The following DTNB variants were observed in gnomAD, a reference collection of about 807,000 sequenced individuals.
DTNB encodes DTN-B.
Under a neutral mutation model 90.7 loss-of-function variants are expected in DTNB, and 63 were observed. The observed-to-expected ratio is 0.69, with a 90% CI of 0.57 to 0.86. DTNB has a LOEUF of 0.86. DTNB is among the 40% of genes least tolerant of loss of function. The pLI, the probability that DTNB is intolerant of heterozygous loss-of-function variation, is 0.00. For missense variants in DTNB, 744 were observed against 807.1 expected, an observed-to-expected ratio of 0.92 and a Z score of 0.95; for synonymous variants, 277 against 286.7, an observed-to-expected ratio of 0.97 and a Z score of 0.34.
intron 9 of DTNB, among the ~76,000 whole-genome samples, chr2:25,488,811 C>T (rs1411414564): frequency 1.3e-5 from 2 of 152,090 alleles, no homozygotes; most frequent in African/African-American, 2.4e-5. Flanking sequence ...CCATCATGCC[C>T]GGCTAATTTT....
At chr2:25,416,621 G>A (rs1484262955) in intron 16 of DTNB, among the ~76,000 whole-genome samples, 13 of 152,096 alleles carry the variant, frequency 8.5e-5, no homozygotes, top group Admixed American at 4.6e-4. Flanking sequence ...AGCCAAGGTC[G>A]CACCACTGTA....
Position 25,576,842 on chromosome 2 carries a change from G to A in DTNB, c.872C>T (p.Ser291Phe), listed in dbSNP as rs1349810216. The stretch of plus-strand genomic sequence containing the variant: ...GATGAAACACAAAGCAGTTACCCAA[G>A]AGGAATGCTCCTTCATCTGGTGCTG... ...SNQHQMKEHS[S>F]WKSPAKKLSH... The change falls in exon 8 of 21, where the codon TCT becomes TTT. Residue 291 changes from serine to phenylalanine, a missense_variant. Ser to Phe is a radical substitution (Grantham distance 155, BLOSUM62 -2). Coordinates refer to ENST00000406818, the MANE Select transcript of DTNB (RefSeq NM_021907.5). 6.2e-7 allele frequency: 1 copy of A among 1,611,620 alleles called. No homozygotes were observed. Among genetic ancestry groups the A allele is most frequent in the Non-Finnish European group, 8.5e-7 (1 of 1,178,788 alleles).
At chr2:25,390,651 T>C (rs555937257) in intron 16 of DTNB, among the ~76,000 whole-genome samples, 1 of 152,196 alleles carries the variant, frequency 6.6e-6, no homozygotes, top group South Asian at 2.1e-4. Flanking sequence ...TTCGCCATCT[T>C]GGCCAGGCTG....
chr2:25,458,746 G>A (rs997829832), intron 10 of DTNB, among the ~76,000 whole-genome samples: 2 of 152,166 alleles, frequency 1.3e-5, no homozygotes, highest in South Asian at 4.1e-4. Flanking sequence ...CCGGGTTCAC[G>A]CCATTCTCCT....
At chr2:25,443,946 T>A (rs139208432) in intron 12 of DTNB, among the ~76,000 whole-genome samples, 3 of 152,224 alleles carry the variant, frequency 2.0e-5, no homozygotes, top group East Asian at 3.8e-4. Flanking sequence ...GAATGCTGCA[T>A]GCCTGGAGCA....
intron 8 of DTNB, among the ~76,000 whole-genome samples, chr2:25,557,480 A>G (rs961226788): frequency 2.0e-4 from 30 of 152,224 alleles, no homozygotes; most frequent in Non-Finnish European, 4.3e-4. Flanking sequence ...CATGGTACAG[A>G]CACACTAAAA....
intron 5 of DTNB, among the ~76,000 whole-genome samples, chr2:25,605,374 G>T: frequency 6.6e-6 from 1 of 152,128 alleles, no homozygotes; most frequent in East Asian, 1.9e-4. Context: ...GTGGGCTTTT[G>T]CACCACTTCA....
At chr2:25,668,132 G>A (rs990294265) in intron 1 of DTNB, among the ~76,000 whole-genome samples, 2 of 152,034 alleles carry the variant, frequency 1.3e-5, no homozygotes, top group Admixed American at 6.5e-5. Flanking sequence ...CCAGCTACTC[G>A]GGAGGCTGAG....
intron 1 of DTNB, among the ~76,000 whole-genome samples, chr2:25,655,402 C>T (rs116104447): frequency 0.013 from 1,966 of 152,270 alleles, 27 homozygotes; most frequent in Non-Finnish European, 0.017. Context: ...TAGGGAGGTA[C>T]TGGCCTTCCT....
intron 8 of DTNB, among the ~76,000 whole-genome samples, chr2:25,572,524 G>A (rs2060030865): frequency 1.3e-5 from 2 of 151,596 alleles, no homozygotes; most frequent in South Asian, 2.1e-4. Context: ...ATACAACGGT[G>A]GAGCCGGAGC....
chr2:25,433,396 C>T (rs933013205), intron 13 of DTNB, among the ~76,000 whole-genome samples: 5 of 152,146 alleles, frequency 3.3e-5, no homozygotes, highest in Non-Finnish European at 5.9e-5. Context: ...GTCCCCGATG[C>T]CCCAGTAGAC....
chr2:25,609,595 C>CAA (rs34804799), intron 4 of DTNB, among the ~76,000 whole-genome samples: 48,370 of 108,974 alleles, frequency 0.44, 12,334 homozygotes, highest in South Asian at 0.5. Flanking sequence ...GAAACTCTTT[C>CAA]AAAAAAAAAA....
chr2:25,508,204 T>A (rs952430872), intron 9 of DTNB, among the ~76,000 whole-genome samples: 4 of 152,314 alleles, frequency 2.6e-5, no homozygotes, highest in African/African-American at 9.6e-5. Context: ...GATTGTTTTG[T>A]CTGTTTTTCT....
chr2:25,415,994 C>T (rs1372976440), intron 16 of DTNB, among the ~76,000 whole-genome samples: 2 of 152,146 alleles, frequency 1.3e-5, no homozygotes, highest in Admixed American at 1.3e-4. Flanking sequence ...GATTTGTAGC[C>T]AAGTTGGACA....
chr2:25,444,013 A>G (rs1164562630), intron 12 of DTNB, among the ~76,000 whole-genome samples: 1 of 152,186 alleles, frequency 6.6e-6, no homozygotes, highest in African/African-American at 2.4e-5. Flanking sequence ...CTGCTCAGAA[A>G]TATTTTAAGT....
At chr2:25,560,210 T>C (rs1468340929) in intron 8 of DTNB, among the ~76,000 whole-genome samples, 1 of 152,264 alleles carries the variant, frequency 6.6e-6, no homozygotes, top group African/African-American at 2.4e-5. Context: ...GCCTCTGCAC[T>C]CCAGCCTGGG....
intron 4 of DTNB, 125 bp downstream of exon 4, chr2:25,628,046 C>T (rs2074759739): frequency 9.3e-7 from 1 of 1,070,122 alleles, no homozygotes; most frequent in Non-Finnish European, 1.4e-6. Context: ...AATAATTTCC[C>T]TTTTAATCAT....
chr2:25,505,674 T>C (rs2072211388), intron 9 of DTNB, among the ~76,000 whole-genome samples: 2 of 152,192 alleles, frequency 1.3e-5, no homozygotes, highest in South Asian at 4.1e-4. Context: ...GTACTTCTCC[T>C]ACTAAACCTT....
chr2:25,563,521 C>A (rs932766563), intron 8 of DTNB, among the ~76,000 whole-genome samples: 2 of 152,140 alleles, frequency 1.3e-5, no homozygotes, highest in African/African-American at 4.8e-5. Flanking sequence ...TAAGAAGGCA[C>A]TAACTCAAGG....
Sources: gnomAD v4.1 joint callset for allele counts (sites outside exome capture counted in the v4.1 genomes callset) on GRCh38, gnomAD v4.1.1 for gene constraint, MANE v1.5 for transcripts, NCBI Gene and HGNC (gene_info 2026-07-23, HGNC 2026-07-21) for gene names.